The following ACAD10 variants were observed in gnomAD, a reference collection of about 807,000 sequenced individuals.
The protein encoded by ACAD10 is ACAD-10.
In ACAD10, 112 loss-of-function variants were observed where a neutral mutation model predicts 116.8. That is an observed-to-expected ratio of 0.96 (90% CI 0.82 to 1.12). The LOEUF (loss-of-function observed/expected upper bound fraction) is 1.12. ACAD10 is among the 50% of genes most tolerant of loss of function. ACAD10 has a pLI of 0.00. For missense variants in ACAD10, 1,259 were observed against 1,350.2 expected, an observed-to-expected ratio of 0.93 and a Z score of 1.06; for synonymous variants, 486 against 510.6, an observed-to-expected ratio of 0.95 and a Z score of 0.65.
intron 18 of ACAD10, chr12:111,753,285 G>A (rs901438995): frequency 1.5e-5 from 5 of 328,578 alleles, no homozygotes; most frequent in Middle Eastern, 1.1e-3. Flanking sequence ...GCGGAAGGCC[G>A]GGAGCGAGAC....
Position 111,688,379 on chromosome 12 carries a change from A to G in ACAD10, c.-14+2140A>G, listed in dbSNP as rs904488660. ...CGTTGCATGGTGGTATCCTCAGCAG[A>G]TGGGTGCAGGACCCCCTGCAGATGC... On this transcript the variant is annotated intron_variant, in intron 1 of 20. Transcript: ENST00000313698. Among the ~76,000 whole-genome samples the G allele has an allele frequency of 3.7e-4, 57 of 152,354 alleles. 1 individual carries two copies. The highest frequency in any genetic ancestry group is 3.1e-3 in the Admixed American group (48 of 15,294).
At chr12:111,698,154 C>G (rs1409239191) in intron 2 of ACAD10, among the ~76,000 whole-genome samples, 2 of 151,822 alleles carry the variant, frequency 1.3e-5, no homozygotes, top group Admixed American at 6.6e-5. Flanking sequence ...ACCACCACAC[C>G]TAGCTAATTT....
Position 111,727,931 on chromosome 12 carries a change from A to C in ACAD10, c.1062-31A>C, listed in dbSNP as rs772629182. ...AACAGCCTGCCACATTATGACTCTG[A>C]TCCCTGAAACCCCTTCTGTGTTCCT... On this transcript the variant is annotated intron_variant, in intron 8 of 20. Transcript: ENST00000313698. The C allele has an allele frequency of 4.4e-6, 7 of 1,581,536 alleles. No homozygotes were observed. The African/African-American group carries it at 9.4e-5, about 21-fold the overall frequency.
In ACAD10 at chr12:111,709,683, A is replaced by AG. The variant is rs1393651941; in HGVS notation, c.690+1dup. 5.6e-6 allele frequency: 9 copies of AG among 1,606,274 alleles called. No homozygotes were observed. Among genetic ancestry groups the AG allele is most frequent in the Non-Finnish European group, 7.6e-6 (9 of 1,177,692 alleles). On this transcript the variant is annotated frameshift_variant and splice_region_variant, in exon 5 of 21. Transcript: ENST00000313698. LOFTEE classifies it high-confidence loss of function. Reference sequence around the variant, plus strand: ...GCCAGACTTGGTATTCACACCATTAAGGTAATAGTCACTAATTTTTGAACT... The same window carrying AG: ...GCCAGACTTGGTATTCACACCATTAAGGGTAATAGTCACTAATTTTTGAACT...
chr12:111,717,980 G>A (rs1018269345), intron 7 of ACAD10, among the ~76,000 whole-genome samples: 9 of 138,392 alleles, frequency 6.5e-5, no homozygotes, highest in African/African-American at 2.2e-4. Context: ...TTGAATTTAT[G>A]ATTTATAATA....
chr12:111,703,083 CAA>C (rs1205550152), intron 3 of ACAD10, among the ~76,000 whole-genome samples: 39 of 78,166 alleles, frequency 5.0e-4, no homozygotes, highest in Non-Finnish European at 4.1e-4. Context: ...GACTCTGTCT[CAA>C]AAAAAAAAAA....
At chr12:111,725,454 C>T (rs1566156153) in intron 8 of ACAD10, among the ~76,000 whole-genome samples, 3 of 151,840 alleles carry the variant, frequency 2.0e-5, no homozygotes, top group Admixed American at 6.6e-5. Flanking sequence ...GTGGAGGCTG[C>T]AGTGAGCTGT....
At chr12:111,692,440 T>A (rs1888077078) in intron 1 of ACAD10, among the ~76,000 whole-genome samples, 1 of 151,938 alleles carries the variant, frequency 6.6e-6, no homozygotes, top group Admixed American at 6.6e-5. Context: ...CAGAACTAGA[T>A]AGGGCGAGGT....
rs751776285 is a variant in ACAD10 at position 111,734,058 on chromosome 12, C to T, written c.1530C>T (p.Pro510=). 17 of 1,614,056 alleles carry T rather than the reference C, an allele frequency of 1.1e-5. No homozygotes were observed. The highest frequency in any genetic ancestry group is 1.6e-4 in the Middle Eastern group (1 of 6,084). The part of the protein sequence containing the change: ...CLAHYLPSSF[P]VLRGINDCDL... Reference sequence around the variant, plus strand: ...CTCATTACCTGCCATCCAGTTTTCCCGTGCTGAGAGGTAGGAACTGCTGCT... The same window carrying T: ...CTCATTACCTGCCATCCAGTTTTCCTGTGCTGAGAGGTAGGAACTGCTGCT... The change falls in exon 11 of 21, where the codon CCC becomes CCT. Residue 510 remains proline, a synonymous_variant. Transcript: ENST00000313698.
intron 1 of ACAD10, among the ~76,000 whole-genome samples, chr12:111,687,118 C>T (rs1039762064): frequency 2.0e-5 from 3 of 152,030 alleles, no homozygotes; most frequent in African/African-American, 7.3e-5. Context: ...TGACAGGATG[C>T]TACTCTAGGT....
chr12:111,708,648 A>G (rs1481681148), intron 4 of ACAD10, among the ~76,000 whole-genome samples: 1 of 152,102 alleles, frequency 6.6e-6, no homozygotes, highest in Non-Finnish European at 1.5e-5. Flanking sequence ...GGGTCATTCC[A>G]AGTGGCAAGT....
intron 20 of ACAD10, chr12:111,756,058 C>A (rs2068081165): frequency 1.7e-6 from 2 of 1,174,234 alleles, no homozygotes; most frequent in Non-Finnish European, 2.3e-6. Context: ...AGGCTCTTTC[C>A]CATGCAGGGG....
intron 10 of ACAD10, 143 bp downstream of exon 10, chr12:111,730,099 G>T (rs1042587090): frequency 1.6e-5 from 20 of 1,225,534 alleles, no homozygotes; most frequent in African/African-American, 3.0e-5. Context: ...TTCAGGCAGG[G>T]TTTCTCAGCT....
chr12:111,731,156 C>G (rs989116378), intron 10 of ACAD10, among the ~76,000 whole-genome samples: 1 of 152,206 alleles, frequency 6.6e-6, no homozygotes, highest in Non-Finnish European at 1.5e-5. Flanking sequence ...CGGTGTCCCT[C>G]GCTCCCGGCT....
chr12:111,721,377 G>A (rs980681974), intron 7 of ACAD10, among the ~76,000 whole-genome samples: 1 of 152,152 alleles, frequency 6.6e-6, no homozygotes, highest in Non-Finnish European at 1.5e-5. Flanking sequence ...AGAACAGCCT[G>A]GCCAACATGG....
chr12:111,713,439 A>G (rs1298821337), intron 6 of ACAD10, among the ~76,000 whole-genome samples: 3 of 152,056 alleles, frequency 2.0e-5, no homozygotes, highest in Admixed American at 1.3e-4. Context: ...AGGCTGACCA[A>G]CATGGTGAAA....
intron 18 of ACAD10, chr12:111,753,459 T>C (rs1350285164): frequency 1.8e-6 from 1 of 566,038 alleles, no homozygotes; most frequent in East Asian, 4.2e-5. Context: ...TAACTGCTCC[T>C]GTCTGGTAGC....
chr12:111,726,342 AG>A (rs1889212868), intron 8 of ACAD10, among the ~76,000 whole-genome samples: 1 of 152,164 alleles, frequency 6.6e-6, no homozygotes, highest in African/African-American at 2.4e-5. Context: ...GGGTCACCTT[AG>A]TACTGCTGGG....
At chr12:111,707,770 G>A (rs1888551900) in intron 4 of ACAD10, among the ~76,000 whole-genome samples, 1 of 152,172 alleles carries the variant, frequency 6.6e-6, no homozygotes, top group African/African-American at 2.4e-5. Flanking sequence ...GCCTATGCCT[G>A]GGTGTATTTG....
Sources: allele counts gnomAD v4.1 joint callset (sites outside exome capture counted in the v4.1 genomes callset), GRCh38; gene constraint gnomAD v4.1.1; transcripts MANE v1.5; gene names NCBI Gene and HGNC (gene_info 2026-07-23, HGNC 2026-07-21).